The following PRKCG variants were observed in gnomAD, a reference collection of about 807,000 sequenced individuals.
PRKCG encodes the protein protein kinase C gamma type.
In PRKCG, 28 loss-of-function variants were observed where a neutral mutation model predicts 82.0. The ratio of observed to expected loss-of-function variants is 0.34; its 90% CI spans 0.25 to 0.47. The LOEUF (loss-of-function observed/expected upper bound fraction) is 0.47, where lower values mean the gene tolerates loss of function less well. PRKCG is among the 20% of genes least tolerant of loss of function. PRKCG has a pLI of 1.00. For missense variants in PRKCG, 640 were observed against 952.7 expected, an observed-to-expected ratio of 0.67 and a Z score of 4.32; for synonymous variants, 383 against 376.6, an observed-to-expected ratio of 1.02 and a Z score of -0.20.
intron 3 of PRKCG, among the ~76,000 whole-genome samples, chr19:53,886,035 C>G (rs1429635454): frequency 6.7e-6 from 1 of 150,048 alleles, no homozygotes; most frequent in Admixed American, 6.6e-5. Flanking sequence ...GCACTCCAGC[C>G]TGGGTGACAG....
rs941707284 is a variant in PRKCG at position 53,898,729 on chromosome 19, T to C, written c.1281+101T>C. The C allele has an allele frequency of 2.2e-5, 23 of 1,044,272 alleles. No homozygotes were observed. The African/African-American group carries it at 3.8e-4, about 17-fold the overall frequency. The allele number at this position is 1,044,272 out of a possible 1,614,324, so 64.7% of individuals were successfully genotyped here. The stretch of plus-strand genomic sequence containing the variant: ...AGTTTAGGGCGAGGCAAGAGAACTT[T>C]GTGCTCTCTGAGTGGGCGAGGCCAG... On this transcript the variant is annotated intron_variant, in intron 11 of 17. Coordinates refer to ENST00000263431, the MANE Select transcript of PRKCG (RefSeq NM_002739.5).
chr19:53,898,887 G>GA (rs147598210), intron 11 of PRKCG, among the ~76,000 whole-genome samples: 2,673 of 136,266 alleles, frequency 0.02, 171 homozygotes, highest in African/African-American at 0.062. Context: ...GGGCTCCTCG[G>GA]GGGCGTGGCC....
At chr19:53,893,271 T>G (rs2068693533) in intron 8 of PRKCG, 91 bp from the exon 9 acceptor site, 11 of 1,438,778 alleles carry the variant, frequency 7.6e-6, no homozygotes, top group Non-Finnish European at 1.1e-5. Context: ...TCTATCGCCA[T>G]GGCTTGAGGG....
chr19:53,905,896 T>C (rs2068799132), intron 16 of PRKCG, among the ~76,000 whole-genome samples: 2 of 145,064 alleles, frequency 1.4e-5, no homozygotes, highest in East Asian at 2.0e-4. Flanking sequence ...CATTTTCATG[T>C]ATCCTCTCCT....
intron 14 of PRKCG, 137 bp from the exon 15 acceptor site, chr19:53,902,936 A>C: frequency 1.7e-6 from 1 of 605,468 alleles, no homozygotes; most frequent in Admixed American, 2.4e-5. Context: ...AAATCACCTG[A>C]TGAAATAAAT....
intron 14 of PRKCG, among the ~76,000 whole-genome samples, chr19:53,901,253 G>C (rs1186424387): frequency 6.6e-6 from 1 of 152,148 alleles, no homozygotes; most frequent in Non-Finnish European, 1.5e-5. Flanking sequence ...TTTTCAAGAG[G>C]GCAGGATCAG....
Position 53,906,954 on chromosome 19 carries a change from CACTTCACCCCCA to C in PRKCG, c.*68_*79del, listed in dbSNP as rs2068818216. ...CCCTCCGCCGTGCCGGCGGCAGCCC[CACTTCACCCCCA>C]ACTTCACCACCCCCTGTCCCATTCT... On this transcript the variant is annotated 3_prime_UTR_variant, in exon 18 of 18. Coordinates refer to ENST00000263431, the MANE Select transcript of PRKCG (RefSeq NM_002739.5). 6.2e-7 allele frequency: 1 copy of C among 1,609,858 alleles called. No homozygotes were observed. Among genetic ancestry groups the C allele is most frequent in the Non-Finnish European group, 8.5e-7 (1 of 1,178,358 alleles).
At position 53,891,768 on chromosome 19, in the gene PRKCG, G is replaced by T; in HGVS notation, c.624G>T (p.Thr208=). The T allele has an allele frequency of 6.2e-7, 1 of 1,614,088 alleles. No individual in the cohort carries two copies. The highest frequency in any genetic ancestry group is 8.5e-7 in the Non-Finnish European group (1 of 1,180,028). The change falls in exon 6 of 18, where the codon ACG becomes ACT. Residue 208 remains threonine (T), a synonymous_variant. Transcript: ENST00000263431. The part of the protein sequence containing the change: ...LKLIPDPRNL[T]KQKTRTVKAT... ...TCATCCCAGACCCTCGGAACCTGAC[G>T]AAACAGAAGACCCGAACGGTGAAAG...
chr19:53,884,653 G>C lies in PRKCG; in HGVS notation c.285+410G>C, dbSNP rs890178139. Among the ~76,000 whole-genome samples, 1 of 152,142 alleles carries C rather than the reference G, an allele frequency of 6.6e-6. No homozygotes were observed. The highest frequency in any genetic ancestry group is 1.5e-5 in the Non-Finnish European group (1 of 68,020). ...CAGAAGAAGACAGAGACCTAGGAGA[G>C]ACTGAAGCTGAGGCAGAGAGAGAGA... On this transcript the variant is annotated intron_variant, in intron 3 of 17. Coordinates refer to ENST00000263431, the MANE Select transcript of PRKCG (RefSeq NM_002739.5). This position sits in a 1 kb window ranked among gnomAD's most constrained non-coding sequence, Gnocchi z 4.6.
chr19:53,901,641 G>A (rs1180653664), intron 14 of PRKCG, among the ~76,000 whole-genome samples: 1 of 150,204 alleles, frequency 6.7e-6, no homozygotes, highest in African/African-American at 2.5e-5. Context: ...CACAAGGTCA[G>A]GAGTTTGAGA....
intron 9 of PRKCG, among the ~76,000 whole-genome samples, chr19:53,896,481 G>A (rs2068719299): frequency 6.6e-6 from 1 of 151,846 alleles, no homozygotes; most frequent in South Asian, 2.1e-4. Flanking sequence ...ATGCAGTGGA[G>A]CGATCTCAGC....
At position 53,902,166 on chromosome 19, in the gene PRKCG, C is replaced by T. The variant is rs565327603; in HGVS notation, c.1576-907C>T. On this transcript the variant is annotated intron_variant, in intron 14 of 17. Transcript: ENST00000263431. ...TGGTGGCTCATGCCTGTAATCCCAG[C>T]ACTTTGGGAAGCTGAGGCAGGCAGA... is the stretch of plus-strand genomic sequence containing the variant. Among the ~76,000 whole-genome samples the T allele has an allele frequency of 5.9e-5, 9 of 152,292 alleles. No homozygotes were observed. In the East Asian group the frequency reaches 1.2e-3, roughly 20 times the overall value.
At position 53,900,626 on chromosome 19, in the gene PRKCG, C is replaced by T; in HGVS notation, c.1452C>T (p.Asp484=). Residue 484 remains aspartate (D), a synonymous_variant, in exon 14 of 18, where the codon GAC becomes GAT. Coordinates refer to ENST00000263431, the MANE Select transcript of PRKCG (RefSeq NM_002739.5). The surrounding 1 kb of genome is among the most constrained non-coding windows in gnomAD (Gnocchi z 4.2). ...CATCGTCCAGGGACCTGAAGCTGGA[C>T]AATGTGATGCTGGATGCTGAGGGAC... ...QGIIYRDLKL[D]NVMLDAEGHI... 6.2e-7 allele frequency: 1 copy of T among 1,614,224 alleles called. No homozygotes were observed. Among genetic ancestry groups the T allele is most frequent in the Non-Finnish European group, 8.5e-7 (1 of 1,180,046 alleles).
chr19:53,888,604 C>T (rs1173028085), intron 3 of PRKCG, among the ~76,000 whole-genome samples: 1 of 152,166 alleles, frequency 6.6e-6, no homozygotes, highest in Non-Finnish European at 1.5e-5. Context: ...TCAATAAAAT[C>T]CCTAACAATA....
intron 9 of PRKCG, among the ~76,000 whole-genome samples, chr19:53,896,121 T>C (rs546296535): frequency 2.7e-5 from 4 of 150,776 alleles, no homozygotes; most frequent in East Asian, 1.9e-4. Context: ...CGGGAGGACA[T>C]TCTGAGCCAA....
chr19:53,891,277 T>C (rs1285195169), intron 5 of PRKCG, among the ~76,000 whole-genome samples: 1 of 148,416 alleles, frequency 6.7e-6, no homozygotes, highest in Non-Finnish European at 1.5e-5. Flanking sequence ...AGCTTGGAAT[T>C]CTTTTTTTTT....
upstream of PRKCG, among the ~76,000 whole-genome samples, chr19:53,881,533 C>G (rs538054727): frequency 2.6e-5 from 4 of 152,004 alleles, no homozygotes; most frequent in Admixed American, 2.0e-4. Flanking sequence ...GAGACTGATT[C>G]ACAGTGAGGC....
rs2068732507 is a variant in PRKCG, at chr19:53,898,333, G to A, written c.1093-107G>A. On this transcript the variant is annotated intron_variant, in intron 10 of 17. Transcript: ENST00000263431. ...CAGGGCTGTCAGTCCCTTAAGAGATGGAGGAAGGGCCTGGGATCCCGTTTC... is the reference window on the plus strand; with the variant it reads ...CAGGGCTGTCAGTCCCTTAAGAGATAGAGGAAGGGCCTGGGATCCCGTTTC... 5 of 1,455,530 alleles carry A rather than the reference G, an allele frequency of 3.4e-6. No homozygotes were observed. The East Asian group carries it at 1.2e-4, about 34-fold the overall frequency. 90.2% of individuals were successfully genotyped at this position (1,455,530 alleles called of 1,614,324 possible).
chr19:53,907,314 T>G lies in PRKCG; in HGVS notation c.*419T>G, dbSNP rs964543102. On this transcript the variant is annotated 3_prime_UTR_variant, in exon 18 of 18. Coordinates refer to ENST00000263431, the MANE Select transcript of PRKCG (RefSeq NM_002739.5). ...TCAGGTTCCAGAACAGCCCTCGGCCTCCGAGGCTCCCCGCCTCCACTCTAG... is the reference window on the plus strand; with the variant it reads ...TCAGGTTCCAGAACAGCCCTCGGCCGCCGAGGCTCCCCGCCTCCACTCTAG... The G allele has an allele frequency of 3.7e-6, 1 of 271,242 alleles. No homozygotes were observed. Among genetic ancestry groups the G allele is most frequent in the Non-Finnish European group, 7.3e-6 (1 of 137,524 alleles). The allele number at this position is 271,242 out of a possible 1,614,324, so 16.8% of individuals were successfully genotyped here.
Sources: gnomAD v4.1 joint callset for allele counts (sites outside exome capture counted in the v4.1 genomes callset) on GRCh38, gnomAD v4.1.1 for gene constraint, Gnocchi (gnomAD v3.1) non-coding constraint, MANE v1.5 for transcripts, NCBI Gene and HGNC (gene_info 2026-07-23, HGNC 2026-07-21) for gene names.